Variants in ACACA observed in about 807,000 individuals in gnomAD.
The protein encoded by ACACA is acetyl-CoA carboxylase alpha.
Under a neutral mutation model 296.1 loss-of-function variants are expected in ACACA, and 103 were observed. That is an observed-to-expected ratio of 0.35 (90% CI 0.30 to 0.41). The LOEUF (loss-of-function observed/expected upper bound fraction) is 0.41. Ranked by LOEUF, ACACA falls within the 10% of genes least tolerant of loss-of-function variation. The pLI is 1.00. For missense variants in ACACA, 1,554 were observed against 2,989.7 expected (o/e 0.52, Z 11.20); for synonymous variants, 953 against 1,038.6 (o/e 0.92, Z 1.58).
At chr17:37,348,719 T>C (rs140556988) in intron 1 of ACACA, among the ~76,000 whole-genome samples, 7 of 151,950 alleles carry the variant, frequency 4.6e-5, no homozygotes, top group African/African-American at 1.7e-4. Context: ...TCCAGCACTT[T>C]GGGAGGCAGA....
At chr17:37,269,698 C>G (rs2081980828) in intron 10 of ACACA, among the ~76,000 whole-genome samples, 1 of 148,424 alleles carries the variant, frequency 6.7e-6, no homozygotes, top group Admixed American at 6.8e-5. Flanking sequence ...GAAGACCCAG[C>G]TCATAAGACT....
intron 33 of ACACA, among the ~76,000 whole-genome samples, chr17:37,201,256 T>C (rs974581599): frequency 6.6e-6 from 1 of 152,034 alleles, no homozygotes; most frequent in African/African-American, 2.4e-5. Flanking sequence ...CTGGCCAACA[T>C]GGCAAAACCC....
At chr17:37,156,960 T>C (rs796550455) in intron 42 of ACACA, among the ~76,000 whole-genome samples, 7 of 152,334 alleles carry the variant, frequency 4.6e-5, no homozygotes, top group African/African-American at 1.7e-4. Flanking sequence ...TGAGTGCCTA[T>C]TATGTACAAG....
rs910096793 is a variant in ACACA, at chr17:37,247,475, C to A, written c.2310-499G>T. Among the ~76,000 whole-genome samples, 4 of 151,482 alleles carry A rather than the reference C, an allele frequency of 2.6e-5. No individual in the cohort carries two copies. The East Asian group carries it at 7.7e-4, about 29-fold the overall frequency. ...CTCCACCTCCCAGGTTCACGTGATT[C>A]TCCTGCCTCTGCCTCCCAAGTAGCT... On this transcript the variant is annotated intron_variant, in intron 18 of 55. Coordinates refer to ENST00000616317, the MANE Select transcript of ACACA (RefSeq NM_198834.3).
chr17:37,153,220 T>C lies in ACACA; in HGVS notation c.5448-1799A>G, dbSNP rs900448181. Among the ~76,000 whole-genome samples the C allele has an allele frequency of 8.3e-4, 126 of 152,266 alleles. 2 individuals carry two copies. The highest frequency in any genetic ancestry group is 5.3e-4 in the Non-Finnish European group (36 of 68,008). ...AGAAATGAAGAGTTAAAAAATATCA[T>C]AGGGGAAAATCCCATTCAGAGTAGC... is the stretch of plus-strand genomic sequence containing the variant. On this transcript the variant is annotated intron_variant, in intron 43 of 55. Coordinates refer to ENST00000616317, the MANE Select transcript of ACACA (RefSeq NM_198834.3).
intron 45 of ACACA, among the ~76,000 whole-genome samples, chr17:37,134,989 A>T (rs772545028): frequency 6.6e-6 from 1 of 152,172 alleles, no homozygotes; most frequent in Non-Finnish European, 1.5e-5. Flanking sequence ...CAAAAGAAAG[A>T]AGGAAGGATG....
intron 3 of ACACA, among the ~76,000 whole-genome samples, chr17:37,311,866 T>C (rs1287493909): frequency 7.0e-6 from 1 of 142,642 alleles, no homozygotes; most frequent in African/African-American, 2.7e-5. Context: ...AGCAAGACCC[T>C]GTCTCAAAAA....
intron 5 of ACACA, among the ~76,000 whole-genome samples, chr17:37,280,121 T>C (rs1410311373): frequency 2.0e-5 from 3 of 152,122 alleles, no homozygotes; most frequent in Non-Finnish European, 4.4e-5. Context: ...CTCTCACCTA[T>C]GTTAGGTATT....
At chr17:37,370,765 C>T (rs2049774771) in intron 1 of ACACA, among the ~76,000 whole-genome samples, 1 of 151,824 alleles carries the variant, frequency 6.6e-6, no homozygotes, top group South Asian at 2.1e-4. Flanking sequence ...GGCGGATCAC[C>T]CTGAGGTCAG....
chr17:37,325,988 G>T (rs1158261972), intron 3 of ACACA, among the ~76,000 whole-genome samples: 1 of 150,894 alleles, frequency 6.6e-6, no homozygotes, highest in East Asian at 2.0e-4. Flanking sequence ...CAGGTGGATT[G>T]CCTGAGATCA....
intron 1 of ACACA, 64 bp from the exon 2 acceptor site, chr17:37,339,914 G>A (rs2048310164): frequency 1.2e-6 from 1 of 836,432 alleles, no homozygotes; most frequent in East Asian, 2.5e-5. Context: ...GTCAATTCCT[G>A]TTTTGCTCAG....
At chr17:37,375,945 G>A (rs1344931798) in intron 1 of ACACA, 1 of 598,224 alleles carries the variant, frequency 1.7e-6, no homozygotes, top group Non-Finnish European at 3.0e-6. Context: ...TTCAGGAAAT[G>A]GGGCAAAATA....
intron 23 of ACACA, 69 bp from the exon 24 acceptor site, chr17:37,240,633 C>A: frequency 8.1e-7 from 1 of 1,237,274 alleles, no homozygotes; most frequent in Non-Finnish European, 1.2e-6. Flanking sequence ...AACCCAAAGG[C>A]CAAATTTACC....
chr17:37,386,266 T>G (rs2050524594), intron 1 of ACACA: 2 of 601,658 alleles, frequency 3.3e-6, no homozygotes, highest in South Asian at 5.1e-5. Flanking sequence ...GAATGTACAT[T>G]GAAAAATCAT....
intron 1 of ACACA, among the ~76,000 whole-genome samples, chr17:37,399,798 A>G (rs1355466037): frequency 1.3e-5 from 2 of 152,198 alleles, no homozygotes; most frequent in Non-Finnish European, 2.9e-5. Context: ...GTGTTAAATA[A>G]TGAGAGTCAG....
At chr17:37,399,181 A>C (rs1452487733) in intron 1 of ACACA, among the ~76,000 whole-genome samples, 1 of 151,766 alleles carries the variant, frequency 6.6e-6, no homozygotes, top group Non-Finnish European at 1.5e-5. Flanking sequence ...GGGTTTCACC[A>C]TGTTGGCTAG....
At chr17:37,361,040 CTT>C (rs11442383) in intron 1 of ACACA, among the ~76,000 whole-genome samples, 25 of 137,030 alleles carry the variant, frequency 1.8e-4, no homozygotes, top group Admixed American at 2.2e-4. Context: ...CCCCAGGATT[CTT>C]TTTTTTTTTT....
At chr17:37,282,592 G>T (rs1022420199) in intron 5 of ACACA, among the ~76,000 whole-genome samples, 2 of 151,974 alleles carry the variant, frequency 1.3e-5, no homozygotes, top group Non-Finnish European at 2.9e-5. Flanking sequence ...AAGTATAAAA[G>T]GATAGCTCTT....
chr17:37,342,907 A>G (rs2147360439), intron 1 of ACACA, among the ~76,000 whole-genome samples: 1 of 152,204 alleles, frequency 6.6e-6, no homozygotes, highest in African/African-American at 2.4e-5. Flanking sequence ...CAGCCTGGCC[A>G]ACAGAATGAG....
Sources: allele counts gnomAD v4.1 joint callset (sites outside exome capture counted in the v4.1 genomes callset), GRCh38; gene constraint gnomAD v4.1.1; transcripts MANE v1.5; gene names NCBI Gene and HGNC (gene_info 2026-07-23, HGNC 2026-07-21).